The following ENTREP2 variants were observed in gnomAD, a reference collection of about 807,000 sequenced individuals.
The protein encoded by ENTREP2 is protein ENTREP2.
chr15:29,402,347 C>A, the ENTREP2 span, among the ~76,000 whole-genome samples: 1 of 145,200 alleles, frequency 6.9e-6, no homozygotes, highest in Non-Finnish European at 1.5e-5. Flanking sequence ...ACAAGGTCTC[C>A]CTCTGTAGCC....
At chr15:29,594,882 C>A in the ENTREP2 span, among the ~76,000 whole-genome samples, 1 of 151,582 alleles carries the variant, frequency 6.6e-6, no homozygotes, top group Non-Finnish European at 1.5e-5. Context: ...CTGGCTAACA[C>A]GGTGAAACCC....
At chr15:29,146,102 A>G in the ENTREP2 span, among the ~76,000 whole-genome samples, 2 of 152,274 alleles carry the variant, frequency 1.3e-5, no homozygotes, top group African/African-American at 4.8e-5. Flanking sequence ...AAATTTAACA[A>G]AAAAGCAAAA....
chr15:29,664,625 C>T, the ENTREP2 span, among the ~76,000 whole-genome samples: 19 of 152,142 alleles, frequency 1.2e-4, no homozygotes, highest in South Asian at 1.2e-3. Flanking sequence ...CCCACTGACT[C>T]GGACCCGCAT....
At chr15:29,517,943 C>T in the ENTREP2 span, among the ~76,000 whole-genome samples, 3 of 152,080 alleles carry the variant, frequency 2.0e-5, no homozygotes, top group African/African-American at 4.8e-5. Context: ...GTACATGGGG[C>T]GAGAACCGCA....
the ENTREP2 span, among the ~76,000 whole-genome samples, chr15:29,221,552 C>T: frequency 6.6e-6 from 1 of 152,150 alleles, no homozygotes; most frequent in Non-Finnish European, 1.5e-5. Flanking sequence ...CAAGCCTCCT[C>T]TTGAACAGGA....
chr15:29,356,127 T>C, the ENTREP2 span, among the ~76,000 whole-genome samples: 1 of 148,940 alleles, frequency 6.7e-6, no homozygotes, highest in African/African-American at 2.6e-5. Flanking sequence ...CATCTTGTTC[T>C]ATGTGAGGAT....
At chr15:29,616,788 T>A in the ENTREP2 span, among the ~76,000 whole-genome samples, 1 of 152,012 alleles carries the variant, frequency 6.6e-6, no homozygotes, top group Non-Finnish European at 1.5e-5. Flanking sequence ...AAGAGGAAAT[T>A]TAGGGGCTGG....
At chr15:29,125,522 G>A in the ENTREP2 span, among the ~76,000 whole-genome samples, 1 of 152,106 alleles carries the variant, frequency 6.6e-6, no homozygotes, top group Non-Finnish European at 1.5e-5. Flanking sequence ...AGACCATCGA[G>A]GGGAGACTGA....
chr15:29,517,979 G>A, the ENTREP2 span, among the ~76,000 whole-genome samples: 1 of 152,130 alleles, frequency 6.6e-6, no homozygotes, highest in Non-Finnish European at 1.5e-5. Flanking sequence ...GTTCATGTTT[G>A]TAATTCTAAC....
At chr15:29,578,150 A>G in the ENTREP2 span, among the ~76,000 whole-genome samples, 2 of 152,250 alleles carry the variant, frequency 1.3e-5, no homozygotes, top group Non-Finnish European at 2.9e-5. Context: ...GAGGATGGCT[A>G]TAATAAAAAA....
the ENTREP2 span, among the ~76,000 whole-genome samples, chr15:29,406,958 C>T: frequency 6.6e-6 from 1 of 152,200 alleles, no homozygotes; most frequent in African/African-American, 2.4e-5. Flanking sequence ...ACTACAATTA[C>T]AGTGCCTTTA....
the ENTREP2 span, among the ~76,000 whole-genome samples, chr15:29,458,627 TCACGC>T: frequency 6.6e-5 from 10 of 152,140 alleles, no homozygotes; most frequent in Non-Finnish European, 1.5e-4. Context: ...AAGGTCATGG[TCACGC>T]CTCCTCTGGA....
chr15:29,218,543 T>C, the ENTREP2 span, among the ~76,000 whole-genome samples: 1 of 152,152 alleles, frequency 6.6e-6, no homozygotes, highest in Non-Finnish European at 1.5e-5. Context: ...TCTGGAGTCA[T>C]CACATTACCT....
the ENTREP2 span, among the ~76,000 whole-genome samples, chr15:29,502,743 A>G: frequency 6.6e-6 from 1 of 152,090 alleles, no homozygotes; most frequent in Non-Finnish European, 1.5e-5. Context: ...GCATTCAACG[A>G]CAAGAAGTCA....
chr15:29,465,923 C>T, the ENTREP2 span, among the ~76,000 whole-genome samples: 1 of 152,162 alleles, frequency 6.6e-6, no homozygotes, highest in African/African-American at 2.4e-5. Context: ...TTGTTTGTGG[C>T]CTGAGATCTG....
chr15:29,209,690 G>C, the ENTREP2 span, among the ~76,000 whole-genome samples: 1 of 152,068 alleles, frequency 6.6e-6, no homozygotes, highest in African/African-American at 2.4e-5. Context: ...TCCTCCGCCT[G>C]GAAAGTGCGG....
the ENTREP2 span, among the ~76,000 whole-genome samples, chr15:29,333,839 G>A: frequency 5.9e-5 from 9 of 151,946 alleles, no homozygotes; most frequent in Admixed American, 2.0e-4. Flanking sequence ...GGAGGCCCGC[G>A]GTCCAATCTG....
chr15:29,141,451 G>A, the ENTREP2 span, among the ~76,000 whole-genome samples: 1 of 152,162 alleles, frequency 6.6e-6, no homozygotes, highest in Admixed American at 6.5e-5. Flanking sequence ...TCCTGCCATC[G>A]GGAACAAGGT....
At chr15:29,454,578 T>C in the ENTREP2 span, among the ~76,000 whole-genome samples, 3 of 152,216 alleles carry the variant, frequency 2.0e-5, no homozygotes, top group Non-Finnish European at 4.4e-5. Flanking sequence ...AGAATGCATT[T>C]AATCCATATA....
Sources: gnomAD v4.1 joint callset for allele counts (sites outside exome capture counted in the v4.1 genomes callset) on GRCh38, gnomAD v4.1.1 for gene constraint, MANE v1.5 for transcripts, NCBI Gene and HGNC (gene_info 2026-07-23, HGNC 2026-07-21) for gene names.